Variants in SF3B3 observed in about 807,000 individuals in gnomAD.
SF3B3 encodes SAP 130.
A neutral mutation model predicts 139.2 loss-of-function variants in SF3B3; 33 were observed. That is an observed-to-expected ratio of 0.24 (90% CI 0.18 to 0.32). SF3B3 has a LOEUF of 0.32. Ranked by LOEUF, SF3B3 falls within the 10% of genes least tolerant of loss-of-function variation. SF3B3 has a pLI of 1.00. For synonymous variants in SF3B3, 596 were observed against 563.6 expected, an observed-to-expected ratio of 1.06 and a Z score of -0.81; for missense variants, 818 against 1,509.4, an observed-to-expected ratio of 0.54 and a Z score of 7.59.
chr16:70,574,712 C>T lies in SF3B3; in HGVS notation c.*2899C>T, dbSNP rs941181248. Reference sequence around the variant, plus strand: ...TTTACCATGTTGGACAGGGTGGTCTCGAACTCCTGGCCTAAAGTGGTCCAC... The same window carrying T: ...TTTACCATGTTGGACAGGGTGGTCTTGAACTCCTGGCCTAAAGTGGTCCAC... On this transcript the variant is annotated 3_prime_UTR_variant, in exon 26 of 26. Coordinates refer to ENST00000302516, the MANE Select transcript of SF3B3 (RefSeq NM_012426.5). 2 of 152,148 alleles carry T rather than the reference C, an allele frequency of 1.3e-5. No homozygotes were observed. Among genetic ancestry groups the T allele is most frequent in the South Asian group, 2.1e-4 (1 of 4,824 alleles). 9.4% of individuals were successfully genotyped at this position (152,148 alleles called of 1,614,324 possible). A position where few individuals can be genotyped will look rare whatever the true frequency, so the allele number is the denominator to read the frequency against.
intron 13 of SF3B3, among the ~76,000 whole-genome samples, chr16:70,555,772 A>T (rs562591180): frequency 1.3e-5 from 2 of 152,310 alleles, no homozygotes; most frequent in East Asian, 3.9e-4. Flanking sequence ...AGTGTGGCCA[A>T]ATTTGTAGCC....
Position 70,570,104 on chromosome 16 carries a change from C to T in SF3B3, c.3363C>T (p.Thr1121=), listed in dbSNP as rs780955530. The T allele has an allele frequency of 5.0e-6, 8 of 1,613,974 alleles. No homozygotes were observed. In the African/African-American group the frequency reaches 9.3e-5, roughly 19 times the overall value. Residue 1121 remains threonine (T), a synonymous_variant, in exon 24 of 26, where the codon ACC becomes ACT. Transcript: ENST00000302516. ...GCTCAGAATCACTTGTCTATACCAC[C>T]TTGTCTGGAGGAATTGGCATCCTTG... The part of the protein sequence containing the change: ...PGGSESLVYT[T]LSGGIGILVP...
At chr16:70,559,184 T>C (rs1364260750) in intron 15 of SF3B3, among the ~76,000 whole-genome samples, 1 of 152,214 alleles carries the variant, frequency 6.6e-6, no homozygotes, top group South Asian at 2.1e-4. Context: ...TCATTAGTGG[T>C]TGGAAAATGA....
At position 70,526,610 on chromosome 16, in the gene SF3B3, G is replaced by T; in HGVS notation, c.-47G>T. The T allele has an allele frequency of 2.9e-6, 4 of 1,399,516 alleles. No individual in the cohort carries two copies. Among genetic ancestry groups the T allele is most frequent in the Non-Finnish European group, 4.0e-6 (4 of 991,784 alleles). The allele number at this position is 1,399,516 out of a possible 1,614,324, so 86.7% of individuals were successfully genotyped here. A position where few individuals can be genotyped will look rare whatever the true frequency, so the allele number is the denominator to read the frequency against. ...AGCTTTCTTGGACTCCGTACTGTTG[G>T]TGTAACCAAGGCCTGGAGGTCTGGG... On this transcript the variant is annotated 5_prime_UTR_variant, in exon 2 of 26. Transcript: ENST00000302516.
chr16:70,565,376 T>C lies in SF3B3; in HGVS notation c.2678T>C (p.Val893Ala). Reference protein sequence around the residue: ...EQNEAAFSVAVCRFSNTGEDW... With the variant: ...EQNEAAFSVAACRFSNTGEDW... ...TCTTATTCTGTGTGTAGTGTGGCTGTGTGCAGGTTTTCCAACACTGGTGAA... is the reference window on the plus strand; with the variant it reads ...TCTTATTCTGTGTGTAGTGTGGCTGCGTGCAGGTTTTCCAACACTGGTGAA... The change falls in exon 20 of 26, where the codon GTG becomes GCG. Residue 893 changes from valine to alanine, a missense_variant. This residue lies in a region of SF3B3 where 145 missense variants were observed against 153.6 expected (regional missense o/e 0.94). Coordinates refer to ENST00000302516, the MANE Select transcript of SF3B3 (RefSeq NM_012426.5). The C allele has an allele frequency of 4.3e-6, 7 of 1,614,164 alleles. No individual in the cohort carries two copies. The highest frequency in any genetic ancestry group is 5.9e-6 in the Non-Finnish European group (7 of 1,180,018).
rs1440253380 is a variant in SF3B3, at chr16:70,576,968, A to G, written c.*5155A>G. The stretch of plus-strand genomic sequence containing the variant: ...AACATGACAAAACCCCATCTCTCCA[A>G]AAATACAAAAATTAGCCAGGCATGG... On this transcript the variant is annotated 3_prime_UTR_variant, in exon 26 of 26. Transcript: ENST00000302516. 2 of 152,248 alleles carry G rather than the reference A, an allele frequency of 1.3e-5. No homozygotes were observed. The highest frequency in any genetic ancestry group is 2.9e-5 in the Non-Finnish European group (2 of 68,094). The allele number at this position is 152,248 out of a possible 1,614,324, so 9.4% of individuals were successfully genotyped here. A position where few individuals can be genotyped will look rare whatever the true frequency, so the allele number is the denominator to read the frequency against.
intron 4 of SF3B3, among the ~76,000 whole-genome samples, chr16:70,531,778 A>C (rs2050123925): frequency 6.6e-6 from 1 of 152,266 alleles, no homozygotes; most frequent in Non-Finnish European, 1.5e-5. Context: ...ATTTTTTCAC[A>C]GAACATACTA....
intron 6 of SF3B3, chr16:70,537,881 C>T (rs2050182909): frequency 5.3e-6 from 2 of 374,948 alleles, no homozygotes; most frequent in South Asian, 4.1e-5. Context: ...AGAGACCAGT[C>T]TGGGCAACAT....
chr16:70,569,171 A>G (rs1446921689), intron 23 of SF3B3, 30 bp downstream of exon 23: 7 of 1,489,696 alleles, frequency 4.7e-6, no homozygotes, highest in Non-Finnish European at 5.6e-6. Context: ...CCCAGGGAGA[A>G]CACTGCTTAG....
intron 4 of SF3B3, among the ~76,000 whole-genome samples, chr16:70,531,943 A>G (rs942901287): frequency 3.9e-5 from 6 of 152,196 alleles, no homozygotes; most frequent in Non-Finnish European, 7.4e-5. Flanking sequence ...GCATGTGCCT[A>G]TAGTCCTAGC....
intron 5 of SF3B3, among the ~76,000 whole-genome samples, chr16:70,534,337 G>C (rs1424623201): frequency 6.6e-6 from 1 of 152,188 alleles, no homozygotes. Context: ...GGGGTGGGGT[G>C]AAAGCTACTG....
chr16:70,568,512 A>G lies in SF3B3; in HGVS notation c.3165+17A>G. On this transcript the variant is annotated intron_variant, in intron 22 of 25. Transcript: ENST00000302516. ...ATATGTGTGGTGAGTTGATGTTGTT[A>G]ACTTGGGTTACAGTGATGTGTAGGA... 6.2e-7 allele frequency: 1 copy of G among 1,601,202 alleles called. No individual in the cohort carries two copies.
chr16:70,541,372 G>A (rs1350767335), intron 8 of SF3B3, among the ~76,000 whole-genome samples: 1 of 152,102 alleles, frequency 6.6e-6, no homozygotes, highest in African/African-American at 2.4e-5. Flanking sequence ...CTCTCATTTT[G>A]TGGGTTGTCA....
chr16:70,565,341 T>TA, intron 19 of SF3B3, 27 bp from the exon 20 acceptor site: 1 of 1,613,994 alleles, frequency 6.2e-7, no homozygotes, highest in Non-Finnish European at 8.5e-7. Flanking sequence ...ACTAAGGCCT[T>TA]ACTCTTGCTT....
intron 16 of SF3B3, 172 bp from the exon 17 acceptor site, chr16:70,561,458 G>A (rs2050428289): frequency 8.2e-6 from 5 of 609,434 alleles, no homozygotes; most frequent in Non-Finnish European, 1.2e-5. Flanking sequence ...CATATGCTAA[G>A]CCATAGTGCC....
At position 70,564,048 on chromosome 16, in the gene SF3B3, G is replaced by T; in HGVS notation, c.2461G>T (p.Glu821Ter). ...AGCTCAGAGAAAGCAGCAGATGGCA[G>T]AGGTAATGAGACTAACGTTCAGGGG... ...TKAQRKQQMA[E>*]EMVEAAGEDE... The change falls in exon 18 of 26, where the codon GAG (glutamate) becomes TAG (stop). Residue 821 changes from glutamate (E) to a stop codon, truncating the protein, a stop_gained and splice_region_variant. Transcript: ENST00000302516. LOFTEE classifies it high-confidence loss of function. 1 of 1,613,708 alleles carries T rather than the reference G, an allele frequency of 6.2e-7. No homozygotes were observed. Among genetic ancestry groups the T allele is most frequent in the Non-Finnish European group, 8.5e-7 (1 of 1,179,894 alleles).
Position 70,556,203 on chromosome 16 carries a change from G to T in SF3B3, c.1735G>T (p.Glu579Ter). 6.2e-7 allele frequency: 1 copy of T among 1,614,188 alleles called. No individual in the cohort carries two copies. The highest frequency in any genetic ancestry group is 8.5e-7 in the Non-Finnish European group (1 of 1,180,040). ...DPSGQLNEYT[E>*]RKEMSADVVC... Reference sequence around the variant, plus strand: ...GTCAGGACAGCTGAATGAGTACACAGAACGGAAGGAGATGTCAGCAGATGT... The same window carrying T: ...GTCAGGACAGCTGAATGAGTACACATAACGGAAGGAGATGTCAGCAGATGT... Residue 579 changes from glutamate to a stop codon, truncating the protein, a stop_gained, in exon 14 of 26, where the codon GAA becomes TAA. Coordinates refer to ENST00000302516, the MANE Select transcript of SF3B3 (RefSeq NM_012426.5). LOFTEE classifies it high-confidence loss of function.
intron 10 of SF3B3, among the ~76,000 whole-genome samples, chr16:70,547,941 C>A (rs2050284576): frequency 6.6e-6 from 1 of 152,058 alleles, no homozygotes; most frequent in South Asian, 2.1e-4. Context: ...TGACTGCCAG[C>A]CAAGGGGATA....
intron 10 of SF3B3, among the ~76,000 whole-genome samples, chr16:70,544,935 A>G (rs746344982): frequency 1.3e-5 from 2 of 152,228 alleles, no homozygotes; most frequent in Non-Finnish European, 2.9e-5. Flanking sequence ...GGAAATCTAT[A>G]TGGAACATTT....
Sources: allele counts gnomAD v4.1 joint callset (sites outside exome capture counted in the v4.1 genomes callset), GRCh38; gene constraint gnomAD v4.1.1; regional missense constraint gnomAD v4.1.1; transcripts MANE v1.5; gene names NCBI Gene and HGNC (gene_info 2026-07-23, HGNC 2026-07-21).